ADAMTSL1: variants seen among roughly 807,000 people sequenced by gnomAD.
ADAMTSL1 encodes ADAMTS-like protein 1.
In ADAMTSL1, 126 loss-of-function variants were observed where a neutral mutation model predicts 201.8. The observed-to-expected ratio is 0.62, with a 90% CI of 0.54 to 0.72. ADAMTSL1 has a LOEUF of 0.72. ADAMTSL1 is among the 30% of genes least tolerant of loss of function. ADAMTSL1 has a pLI of 0.00. For synonymous variants in ADAMTSL1, 1,121 were observed against 903.4 expected (o/e 1.24, Z -4.32); for missense variants, 2,679 against 2,277.8 (o/e 1.18, Z -3.59).
chr9:18,878,254 CT>C (rs1828296476), intron 23 of ADAMTSL1, among the ~76,000 whole-genome samples: 1 of 152,238 alleles, frequency 6.6e-6, no homozygotes, highest in Non-Finnish European at 1.5e-5. Context: ...CCTGTCGTGG[CT>C]TCTGTGCTCC....
intron 10 of ADAMTSL1, 49 bp downstream of exon 10, chr9:18,675,956 G>A: frequency 1.3e-6 from 2 of 1,486,358 alleles, no homozygotes; most frequent in Non-Finnish European, 1.9e-6. Flanking sequence ...TTAGTCTTCT[G>A]CTGCTTATCT....
chr9:17,964,037 A>G (rs1817867088), intron 1 of ADAMTSL1, among the ~76,000 whole-genome samples: 1 of 152,188 alleles, frequency 6.6e-6, no homozygotes, highest in Non-Finnish European at 1.5e-5. Flanking sequence ...TTTACAAGGC[A>G]TGGTAAACCA....
intron 23 of ADAMTSL1, among the ~76,000 whole-genome samples, chr9:18,877,377 G>T (rs1468693911): frequency 6.6e-6 from 1 of 152,146 alleles, no homozygotes; most frequent in Non-Finnish European, 1.5e-5. Context: ...GGGAAGATCT[G>T]GGGCTCAAGG....
At position 18,154,257 on chromosome 9, in the gene ADAMTSL1, T is replaced by C. The variant is rs553677784; in HGVS notation, c.88-9605T>C. Among the ~76,000 whole-genome samples, 9 of 152,136 alleles carry C rather than the reference T, an allele frequency of 5.9e-5. No individual in the cohort carries two copies. In the South Asian group the frequency reaches 1.9e-3, roughly 32 times the overall value. On this transcript the variant is annotated intron_variant, in intron 1 of 29. Coordinates refer to the ADAMTSL1 transcript ENST00000680146. Reference sequence around the variant, plus strand: ...TAATAAACCAACCCAAACGTAGTGGTTTAAAACAGTATTATCATTATGTCC... The same window carrying C: ...TAATAAACCAACCCAAACGTAGTGGCTTAAAACAGTATTATCATTATGTCC...
intron 2 of ADAMTSL1, among the ~76,000 whole-genome samples, chr9:18,428,339 A>G (rs918711775): frequency 2.0e-5 from 3 of 151,426 alleles, no homozygotes; most frequent in African/African-American, 7.3e-5. Flanking sequence ...GCTCACATCT[A>G]TAAATTCCAG....
intron 2 of ADAMTSL1, among the ~76,000 whole-genome samples, chr9:18,339,171 A>G (rs548163487): frequency 2.6e-5 from 4 of 152,192 alleles, no homozygotes; most frequent in East Asian, 1.9e-4. Context: ...TAAACAGACA[A>G]CCTACAGAAT....
intron 1 of ADAMTSL1, among the ~76,000 whole-genome samples, chr9:18,158,492 T>A (rs1206250605): frequency 6.6e-6 from 1 of 151,928 alleles, no homozygotes; most frequent in Non-Finnish European, 1.5e-5. Context: ...CCTTGACATT[T>A]AAGCTCATTA....
chr9:18,179,695 G>T (rs1415248085), intron 2 of ADAMTSL1, among the ~76,000 whole-genome samples: 1 of 152,140 alleles, frequency 6.6e-6, no homozygotes, highest in Non-Finnish European at 1.5e-5. Flanking sequence ...AACTCTACAA[G>T]CCAGAAGAGA....
chr9:18,505,523 A>G (rs374423609), intron 2 of ADAMTSL1, among the ~76,000 whole-genome samples: 1 of 152,350 alleles, frequency 6.6e-6, no homozygotes, highest in Non-Finnish European at 1.5e-5. Context: ...GGGATGAAGA[A>G]GGTAGACATG....
intron 1 of ADAMTSL1, among the ~76,000 whole-genome samples, chr9:18,121,110 G>T (rs988808578): frequency 6.6e-6 from 1 of 152,184 alleles, no homozygotes. Flanking sequence ...GATGGTAAGA[G>T]ACTTCCAAAG....
chr9:18,461,708 A>G (rs1398593306), intron 2 of ADAMTSL1, among the ~76,000 whole-genome samples: 1 of 152,176 alleles, frequency 6.6e-6, no homozygotes, highest in African/African-American at 2.4e-5. Flanking sequence ...GAAGGGAGAA[A>G]TAAAACAAGG....
At chr9:18,455,859 C>G (rs1377586049) in intron 2 of ADAMTSL1, among the ~76,000 whole-genome samples, 1 of 150,038 alleles carries the variant, frequency 6.7e-6, no homozygotes, top group Non-Finnish European at 1.5e-5. Flanking sequence ...GTTCAAGGAT[C>G]TTATGTTAAT....
At chr9:18,128,891 A>G (rs1048971520) in intron 1 of ADAMTSL1, among the ~76,000 whole-genome samples, 1 of 152,194 alleles carries the variant, frequency 6.6e-6, no homozygotes, top group Non-Finnish European at 1.5e-5. Context: ...TTTTAGAAGA[A>G]TATCAAGGTA....
chr9:18,273,558 CT>C (rs1304151815), intron 2 of ADAMTSL1, among the ~76,000 whole-genome samples: 5 of 152,196 alleles, frequency 3.3e-5, no homozygotes, highest in Admixed American at 2.0e-4. Context: ...TGCAGGCCCC[CT>C]GGTTACATTT....
intron 9 of ADAMTSL1, among the ~76,000 whole-genome samples, chr9:18,674,252 C>T (rs2133117216): frequency 6.6e-6 from 1 of 151,570 alleles, no homozygotes; most frequent in South Asian, 2.1e-4. Flanking sequence ...TTTTCTCACA[C>T]AAATGAATAT....
At position 18,334,243 on chromosome 9, in the gene ADAMTSL1, A is replaced by T. The variant is rs1338426647; in HGVS notation, c.207+170262A>T. On this transcript the variant is annotated intron_variant, in intron 2 of 29. Transcript: ENST00000680146. ...AGGAGTGCCATTTTATTCATTTTCT[A>T]AGCACAATACAAATTGGAATTGTGA... Among the ~76,000 whole-genome samples the T allele has an allele frequency of 7.2e-5, 11 of 152,146 alleles. No homozygotes were observed. The East Asian group carries it at 2.1e-3, about 29-fold the overall frequency.
chr9:18,001,268 T>C (rs942553418), intron 1 of ADAMTSL1, among the ~76,000 whole-genome samples: 1 of 152,042 alleles, frequency 6.6e-6, no homozygotes, highest in African/African-American at 2.4e-5. Context: ...ATTGTACATA[T>C]ATCATGAAAT....
At chr9:18,407,603 G>C (rs1337218232) in intron 2 of ADAMTSL1, among the ~76,000 whole-genome samples, 2 of 152,186 alleles carry the variant, frequency 1.3e-5, no homozygotes, top group African/African-American at 4.8e-5. Flanking sequence ...GAATAAGGGA[G>C]TGGTAATAGT....
intron 22 of ADAMTSL1, among the ~76,000 whole-genome samples, chr9:18,826,898 A>T (rs1302347665): frequency 6.6e-6 from 1 of 152,238 alleles, no homozygotes; most frequent in Non-Finnish European, 1.5e-5. Flanking sequence ...AATATTTTTC[A>T]TATAATTCCA....
Sources: gnomAD v4.1 joint callset for allele counts (sites outside exome capture counted in the v4.1 genomes callset) on GRCh38, gnomAD v4.1.1 for gene constraint, MANE v1.5 for transcripts, NCBI Gene and HGNC (gene_info 2026-07-23, HGNC 2026-07-21) for gene names.